Variants in NOVA1 observed in about 807,000 individuals in gnomAD.
The protein encoded by NOVA1 is RNA-binding protein Nova-1.
A neutral mutation model predicts 38.0 loss-of-function variants in NOVA1; 7 were observed. The observed-to-expected ratio is 0.18, with a 90% CI of 0.10 to 0.35. The LOEUF is 0.35. Among genes scored for constraint, NOVA1 ranks in the 10% least tolerant of loss-of-function variants. The pLI is 1.00. For synonymous variants in NOVA1, 270 were observed against 232.5 expected (o/e 1.16, Z -1.47); for missense variants, 460 against 616.0 (o/e 0.75, Z 2.68).
chr14:26,556,663 A>C (rs1891497881), intron 2 of NOVA1, among the ~76,000 whole-genome samples: 1 of 152,304 alleles, frequency 6.6e-6, no homozygotes, highest in Middle Eastern at 3.4e-3. Flanking sequence ...GACTTCATTA[A>C]AATTAAAACT....
At chr14:26,540,612 C>A (rs1486533070) in intron 2 of NOVA1, among the ~76,000 whole-genome samples, 1 of 152,174 alleles carries the variant, frequency 6.6e-6, no homozygotes, top group Non-Finnish European at 1.5e-5. Flanking sequence ...ACATTAGTAG[C>A]AAACCAAGTG....
At chr14:26,479,890 T>C in intron 3 of NOVA1, 87 bp downstream of exon 3, 5 of 1,414,786 alleles carry the variant, frequency 3.5e-6, no homozygotes, top group Non-Finnish European at 4.8e-6. Flanking sequence ...AAATAAAAGT[T>C]TTATGCTAAC....
intron 2 of NOVA1, among the ~76,000 whole-genome samples, chr14:26,554,195 G>C (rs1034779870): frequency 6.8e-6 from 1 of 147,678 alleles, no homozygotes; most frequent in Non-Finnish European, 1.5e-5. Context: ...AAGGAAGGAA[G>C]GGAGGGAGGG....
At chr14:26,539,593 T>C (rs906131801) in intron 2 of NOVA1, among the ~76,000 whole-genome samples, 3 of 142,044 alleles carry the variant, frequency 2.1e-5, no homozygotes, top group African/African-American at 4.9e-5. Flanking sequence ...TATATACACA[T>C]AGATACTAAA....
rs549068544 is a variant in NOVA1 at position 26,496,315 on chromosome 14, A to G, written c.281-16172T>C. Among the ~76,000 whole-genome samples, 334 of 152,262 alleles carry G rather than the reference A, an allele frequency of 2.2e-3. 1 individual carries two copies. Among genetic ancestry groups the G allele is most frequent in the African/African-American group, 7.2e-3 (300 of 41,532 alleles). On this transcript the variant is annotated intron_variant, in intron 2 of 4. Transcript: ENST00000539517. Reference sequence around the variant, plus strand: ...GTCTTCTTTTGAGAAGTGGCTGTTCATGTCCTTCGCCCACTTTTTGATGGG... The same window carrying G: ...GTCTTCTTTTGAGAAGTGGCTGTTCGTGTCCTTCGCCCACTTTTTGATGGG...
intron 4 of NOVA1, among the ~76,000 whole-genome samples, chr14:26,455,415 C>T (rs1478036012): frequency 6.6e-6 from 1 of 152,066 alleles, no homozygotes; most frequent in African/African-American, 2.4e-5. Context: ...TGTGACCTTT[C>T]TCAAATGACT....
intron 2 of NOVA1, chr14:26,593,914 T>C (rs1424026612): frequency 2.6e-5 from 4 of 151,922 alleles, no homozygotes; most frequent in Non-Finnish European, 5.9e-5. Context: ...TTTTCATCTA[T>C]TGACAGTGAA....
rs56021646 is a variant in NOVA1, at chr14:26,572,725, A to AGTGTGTGTGTGTGTGTGTGT, written c.280+22665_280+22684dup. On this transcript the variant is annotated intron_variant, in intron 2 of 4. Transcript: ENST00000539517. The stretch of plus-strand genomic sequence containing the variant: ...ACCTCAGCCTTATATAAGGAACCGC[A>AGTGTGTGTGTGTGTGTGTGT]GTGTGTGTGTGTGTGTGTGTGTGTG... Among the ~76,000 whole-genome samples the AGTGTGTGTGTGTGTGTGTGT allele has an allele frequency of 2.5e-3, 342 of 138,482 alleles. 2 individuals are homozygous for AGTGTGTGTGTGTGTGTGTGT. The highest frequency in any genetic ancestry group is 8.5e-3 in the South Asian group (32 of 3,778). The allele number at this position is 138,482 out of a possible 152,430, so 90.8% of individuals were successfully genotyped here. A position where few individuals can be genotyped will look rare whatever the true frequency, so the allele number is the denominator to read the frequency against.
chr14:26,513,830 C>A (rs534997984), intron 2 of NOVA1, among the ~76,000 whole-genome samples: 1 of 151,582 alleles, frequency 6.6e-6, no homozygotes, highest in Non-Finnish European at 1.5e-5. Flanking sequence ...CTAAAAATTA[C>A]AAATCCAAAC....
chr14:26,584,076 ATTAG>A (rs1000864845), intron 2 of NOVA1, among the ~76,000 whole-genome samples: 5 of 151,584 alleles, frequency 3.3e-5, no homozygotes, highest in African/African-American at 1.2e-4. Context: ...TCAAAAGCAA[ATTAG>A]TTAAAGATCT....
intron 2 of NOVA1, among the ~76,000 whole-genome samples, chr14:26,524,043 G>A (rs955747602): frequency 2.0e-5 from 3 of 152,088 alleles, no homozygotes; most frequent in Non-Finnish European, 4.4e-5. Flanking sequence ...GAGCCACCAC[G>A]CCTGGCCCAC....
At chr14:26,521,899 C>A (rs1888924987) in intron 2 of NOVA1, among the ~76,000 whole-genome samples, 1 of 151,992 alleles carries the variant, frequency 6.6e-6, no homozygotes, top group Non-Finnish European at 1.5e-5. Context: ...CCAAGAACAG[C>A]AAACAGATCT....
intron 2 of NOVA1, among the ~76,000 whole-genome samples, chr14:26,571,030 C>A (rs1243626481): frequency 6.6e-6 from 1 of 151,926 alleles, no homozygotes; most frequent in Non-Finnish European, 1.5e-5. Flanking sequence ...TACTATGAAT[C>A]CACAGACTTC....
intron 2 of NOVA1, among the ~76,000 whole-genome samples, chr14:26,500,653 T>A (rs986558269): frequency 5.9e-5 from 9 of 151,980 alleles, no homozygotes; most frequent in African/African-American, 2.2e-4. Flanking sequence ...AGATAAAAGT[T>A]GGAAAAATAT....
At chr14:26,572,704 C>T (rs927330123) in intron 2 of NOVA1, among the ~76,000 whole-genome samples, 3 of 144,540 alleles carry the variant, frequency 2.1e-5, no homozygotes, top group Non-Finnish European at 4.5e-5. Context: ...GCTGAAACCT[C>T]AGCCTTATAT....
chr14:26,456,183 T>C lies in NOVA1; in HGVS notation c.520-7220A>G, dbSNP rs575861639. Reference sequence around the variant, plus strand: ...AATGTTTTCAATTTAATGTTGTAAATTAAACATTAAAATTAAAAAGTAAAA... The same window carrying C: ...AATGTTTTCAATTTAATGTTGTAAACTAAACATTAAAATTAAAAAGTAAAA... On this transcript the variant is annotated intron_variant, in intron 4 of 4. Transcript: ENST00000539517. 4.6e-5 allele frequency among the ~76,000 whole-genome samples: 7 copies of C among 152,060 alleles called. 1 individual carries two copies. The South Asian group carries it at 1.2e-3, about 27-fold the overall frequency.
chr14:26,509,126 T>C lies in NOVA1; in HGVS notation c.281-28983A>G, dbSNP rs538502155. Among the ~76,000 whole-genome samples, 8 of 152,260 alleles carry C rather than the reference T, an allele frequency of 5.3e-5. No individual in the cohort carries two copies. The East Asian group carries it at 1.5e-3, about 29-fold the overall frequency. On this transcript the variant is annotated intron_variant, in intron 2 of 4. Transcript: ENST00000539517. ...ACAATTCATACAGAATATCGCCTTA[T>C]ATTAGGCTGGTTCTTCAAAGATGAG...
At chr14:26,519,571 GAAA>G (rs1279854921) in intron 2 of NOVA1, 1 of 151,932 alleles carries the variant, frequency 6.6e-6, no homozygotes, top group Non-Finnish European at 1.5e-5. Flanking sequence ...AAAAGAAGTA[GAAA>G]AAACAAGGTA....
intron 2 of NOVA1, among the ~76,000 whole-genome samples, chr14:26,582,667 T>C (rs572754574): frequency 3.4e-4 from 52 of 151,982 alleles, no homozygotes; most frequent in South Asian, 6.2e-4. Context: ...TCAAACTATA[T>C]ATGTTTTTTA....
Sources: gnomAD v4.1 joint callset for allele counts (sites outside exome capture counted in the v4.1 genomes callset) on GRCh38, gnomAD v4.1.1 for gene constraint, MANE v1.5 for transcripts, NCBI Gene and HGNC (gene_info 2026-07-23, HGNC 2026-07-21) for gene names.